LYRM7: variants seen among roughly 807,000 people sequenced by gnomAD.
LYRM7 encodes LYR motif containing 7.
In LYRM7, 9 loss-of-function variants were observed where a neutral mutation model predicts 15.8. The observed-to-expected ratio is 0.57, with a 90% CI of 0.34 to 0.99. LYRM7 has a LOEUF of 0.99. LYRM7 is among the 50% of genes least tolerant of loss of function. The pLI, the probability that LYRM7 is intolerant of heterozygous loss-of-function variation, is 0.02. For missense variants in LYRM7, 115 were observed against 119.1 expected (o/e 0.97, Z 0.16); for synonymous variants, 39 against 39.4 (o/e 0.99, Z 0.04).
intron 4 of LYRM7, among the ~76,000 whole-genome samples, chr5:131,197,541 C>T (rs1371077298): frequency 1.4e-4 from 13 of 90,748 alleles, no homozygotes; most frequent in East Asian, 3.8e-4. Context: ...TGTCTTCTGT[C>T]TTTTTTTTTT....
chr5:131,186,782 A>G (rs141901365), intron 3 of LYRM7, among the ~76,000 whole-genome samples: 13 of 152,342 alleles, frequency 8.5e-5, no homozygotes, highest in Admixed American at 8.5e-4. Flanking sequence ...GCTGGAGCAG[A>G]TGGCATGAGA....
chr5:131,195,057 A>C (rs545898137), intron 4 of LYRM7, among the ~76,000 whole-genome samples: 1 of 152,140 alleles, frequency 6.6e-6, no homozygotes, highest in Non-Finnish European at 1.5e-5. Flanking sequence ...TGAGGTCAGG[A>C]GTTTGAGACC....
intron 2 of LYRM7, among the ~76,000 whole-genome samples, chr5:131,180,992 G>A (rs750920650): frequency 1.3e-5 from 2 of 151,616 alleles, no homozygotes; most frequent in Non-Finnish European, 2.9e-5. Context: ...CTTACGTATT[G>A]AAATATATGC....
rs1756025018 is a variant in LYRM7, at chr5:131,199,566, G to A, written c.280G>A (p.Val94Met). 1 of 1,598,610 alleles carries A rather than the reference G, an allele frequency of 6.3e-7. No individual in the cohort carries two copies. Among genetic ancestry groups the A allele is most frequent in the Non-Finnish European group, 8.5e-7 (1 of 1,172,602 alleles). Residue 94 changes from valine (V) to methionine (M), a missense_variant, in exon 5 of 5, where the codon GTG becomes ATG. Val to Met is a conservative substitution (Grantham distance 21). Coordinates refer to ENST00000379380, the MANE Select transcript of LYRM7 (RefSeq NM_181705.4). ...VPRKDLLVEN[V>M]PYCDAPTQKQ ...TAGGAAAGACCTTCTTGTAGAAAAT[G>A]TGCCATATTGTGATGCACCAACTCA...
intron 4 of LYRM7, among the ~76,000 whole-genome samples, chr5:131,187,493 T>G (rs60487470): frequency 0.074 from 11,150 of 151,522 alleles, 1,103 homozygotes; most frequent in African/African-American, 0.23. Context: ...GTTTTTTTTT[T>G]GGGTTTTTTG....
chr5:131,189,444 CAAAAAAAAAAAAAAAAA>C (rs71000976), intron 4 of LYRM7, among the ~76,000 whole-genome samples: 1 of 46,180 alleles, frequency 2.2e-5, no homozygotes, highest in Non-Finnish European at 3.9e-5. Flanking sequence ...CTCCGTCTCC[CAAAAAAAAAAAAAAAAA>C]AAAAAAAAAA....
chr5:131,196,970 A>G (rs183703160), intron 4 of LYRM7, among the ~76,000 whole-genome samples: 1 of 152,180 alleles, frequency 6.6e-6, no homozygotes. Flanking sequence ...ATCTGTATTT[A>G]TTGATAATGT....
chr5:131,189,549 T>A (rs1306775553), intron 4 of LYRM7, among the ~76,000 whole-genome samples: 1 of 146,146 alleles, frequency 6.8e-6, no homozygotes, highest in East Asian at 2.1e-4. Context: ...GATGGGAGGG[T>A]CAAGATTTAT....
intron 1 of LYRM7, among the ~76,000 whole-genome samples, chr5:131,179,073 A>ATG: frequency 6.6e-6 from 1 of 151,856 alleles, no homozygotes; most frequent in East Asian, 1.9e-4. Flanking sequence ...AATTTTGCAT[A>ATG]TGTGTGTGTA....
intron 3 of LYRM7, among the ~76,000 whole-genome samples, chr5:131,184,648 G>GGGGGC (rs1554090168): frequency 8.0e-5 from 12 of 150,122 alleles, no homozygotes; most frequent in African/African-American, 2.3e-4. Flanking sequence ...GGCGGGGGGG[G>GGGGGC]GGTTCCAGGA....
rs1414923685 is a variant in LYRM7 at position 131,205,078 on chromosome 5, T to C, written c.*5477T>C. On this transcript the variant is annotated 3_prime_UTR_variant, in exon 5 of 5. Transcript: ENST00000379380. ...CACACTCATGAACCTAATTCCCACA[T>C]TTGATAGTTGTTACATTTTGCCATG... 3.3e-5 allele frequency: 5 copies of C among 152,316 alleles called. No individual in the cohort carries two copies. The highest frequency in any genetic ancestry group is 1.3e-4 in the Admixed American group (2 of 15,282). The allele number at this position is 152,316 out of a possible 1,614,324, so 9.4% of individuals were successfully genotyped here. A position where few individuals can be genotyped will look rare whatever the true frequency, so the allele number is the denominator to read the frequency against.
Position 131,199,743 on chromosome 5 carries a change from C to A in LYRM7, c.*142C>A. Reference sequence around the variant, plus strand: ...ACAGAATAGCTTCATATTTAAATTTCATGTTAAAAGGTCATTACTGAGAAC... The same window carrying A: ...ACAGAATAGCTTCATATTTAAATTTAATGTTAAAAGGTCATTACTGAGAAC... On this transcript the variant is annotated 3_prime_UTR_variant, in exon 5 of 5. Transcript: ENST00000379380. 2 of 481,208 alleles carry A rather than the reference C, an allele frequency of 4.2e-6. No individual in the cohort carries two copies. Among genetic ancestry groups the A allele is most frequent in the Non-Finnish European group, 3.7e-6 (1 of 270,818 alleles). The allele number at this position is 481,208 out of a possible 1,614,324, so 29.8% of individuals were successfully genotyped here.
intron 1 of LYRM7, among the ~76,000 whole-genome samples, chr5:131,172,912 C>T (rs935585212): frequency 3.9e-5 from 6 of 152,184 alleles, no homozygotes; most frequent in African/African-American, 1.2e-4. Flanking sequence ...GAAGAGAATA[C>T]AGTCTGTGAC....
In LYRM7 at chr5:131,186,707, C is replaced by G. The variant is rs75588176; in HGVS notation, c.163-321C>G. ...GATAACCGAGATGGCTACTAAGTGA[C>G]CACAGGTGGACAGTGTATACAATAT... On this transcript the variant is annotated intron_variant, in intron 3 of 4. Coordinates refer to ENST00000379380, the MANE Select transcript of LYRM7 (RefSeq NM_181705.4). Among the ~76,000 whole-genome samples the G allele has an allele frequency of 6.8e-4, 104 of 152,246 alleles. No individual in the cohort carries two copies. The East Asian group carries it at 0.018, about 26-fold the overall frequency.
At position 131,199,690 on chromosome 5, in the gene LYRM7, G is replaced by T; in HGVS notation, c.*89G>T. 1 of 798,736 alleles carries T rather than the reference G, an allele frequency of 1.3e-6. No homozygotes were observed. The highest frequency in any genetic ancestry group is 2.2e-5 in the South Asian group (1 of 45,288). 49.5% of individuals were successfully genotyped at this position (798,736 alleles called of 1,614,324 possible). On this transcript the variant is annotated 3_prime_UTR_variant, in exon 5 of 5. Coordinates refer to ENST00000379380, the MANE Select transcript of LYRM7 (RefSeq NM_181705.4). ...TCCTGGAAATGCAGACATTTTCCCT[G>T]AACTGGCATATTGAAAATGAATGAA...
chr5:131,198,827 T>G (rs1756013054), intron 4 of LYRM7, among the ~76,000 whole-genome samples: 1 of 151,392 alleles, frequency 6.6e-6, no homozygotes, highest in Admixed American at 6.6e-5. Context: ...CTCCTTAGCC[T>G]CCCAAAGTTC....
chr5:131,199,529 A>G lies in LYRM7; in HGVS notation c.245-2A>G. 1 of 1,570,158 alleles carries G rather than the reference A, an allele frequency of 6.4e-7. No homozygotes were observed. Among genetic ancestry groups the G allele is most frequent in the South Asian group, 1.2e-5 (1 of 82,382 alleles). On this transcript the variant is annotated splice_acceptor_variant, in intron 4 of 4. Transcript: ENST00000379380. LOFTEE classifies it high-confidence loss of function. ...TTATTCTCTTTTTTTTTTTTCTTTC[A>G]GAACTGGTCCCTAGGAAAGACCTTC...
chr5:131,176,747 C>G (rs1187018386), intron 1 of LYRM7, among the ~76,000 whole-genome samples: 2 of 151,928 alleles, frequency 1.3e-5, no homozygotes, highest in South Asian at 2.1e-4. Context: ...TTTGGCGTCT[C>G]CCTTTTGGCG....
Position 131,205,061 on chromosome 5 carries a change from T to A in LYRM7, c.*5460T>A, listed in dbSNP as rs1006624553. ...ATTAGCAAATAATATAGCACACTCA[T>A]GAACCTAATTCCCACATTTGATAGT... On this transcript the variant is annotated 3_prime_UTR_variant, in exon 5 of 5. Coordinates refer to ENST00000379380, the MANE Select transcript of LYRM7 (RefSeq NM_181705.4). 2.6e-5 allele frequency: 4 copies of A among 152,250 alleles called. No individual in the cohort carries two copies. The highest frequency in any genetic ancestry group is 9.7e-5 in the African/African-American group (4 of 41,372). The allele number at this position is 152,250 out of a possible 1,614,324, so 9.4% of individuals were successfully genotyped here. A position where few individuals can be genotyped will look rare whatever the true frequency, so the allele number is the denominator to read the frequency against.
Sources: allele counts gnomAD v4.1 joint callset (sites outside exome capture counted in the v4.1 genomes callset), GRCh38; gene constraint gnomAD v4.1.1; transcripts MANE v1.5; gene names NCBI Gene and HGNC (gene_info 2026-07-23, HGNC 2026-07-21).